DACH1: variants seen among roughly 807,000 people sequenced by gnomAD.
DACH1 encodes dachshund homolog 1.
A neutral mutation model predicts 54.2 loss-of-function variants in DACH1; 12 were observed. The ratio of observed to expected loss-of-function variants is 0.22; its 90% CI spans 0.14 to 0.36. The LOEUF is 0.36. Ranked by LOEUF, DACH1 falls within the 10% of genes least tolerant of loss-of-function variation. The probability of loss-of-function intolerance (pLI) is 1.00; values close to 1 mark genes in which losing one functional copy is unlikely to be tolerated. For synonymous variants in DACH1, 386 were observed against 366.2 expected, an observed-to-expected ratio of 1.05 and a Z score of -0.62; for missense variants, 805 against 929.8, an observed-to-expected ratio of 0.87 and a Z score of 1.75.
rs148791365 is a variant in DACH1, at chr13:71,672,735, G to T, written c.964+9060C>A. Among the ~76,000 whole-genome samples the T allele has an allele frequency of 6.6e-4, 101 of 152,190 alleles. No individual in the cohort carries two copies. The East Asian group carries it at 0.013, about 20-fold the overall frequency. Reference sequence around the variant, plus strand: ...TAAGATACCAGCTGCACCTCCTACTGGTTAAAAAATTATAGCGAGCAATAA... The same window carrying T: ...TAAGATACCAGCTGCACCTCCTACTTGTTAAAAAATTATAGCGAGCAATAA... On this transcript the variant is annotated intron_variant, in intron 2 of 10. Transcript: ENST00000613252.
intron 6 of DACH1, among the ~76,000 whole-genome samples, chr13:71,494,356 C>T (rs557882927): frequency 1.3e-5 from 2 of 151,630 alleles, no homozygotes; most frequent in Admixed American, 6.6e-5. Context: ...AATTTTGATA[C>T]TTTGAGTTTT....
chr13:71,693,832 T>C (rs1881662903), intron 1 of DACH1, among the ~76,000 whole-genome samples: 1 of 152,180 alleles, frequency 6.6e-6, no homozygotes, highest in Middle Eastern at 3.4e-3. Context: ...CATGGGTGTA[T>C]AGAAAAAATA....
intron 6 of DACH1, among the ~76,000 whole-genome samples, chr13:71,522,790 G>A (rs1001953495): frequency 6.6e-6 from 1 of 151,918 alleles, no homozygotes; most frequent in African/African-American, 2.4e-5. Flanking sequence ...AATGTTTCTG[G>A]GACTTCCTTC....
chr13:71,451,832 G>C (rs868741069), intron 10 of DACH1, among the ~76,000 whole-genome samples: 1 of 152,120 alleles, frequency 6.6e-6, no homozygotes, highest in Non-Finnish European at 1.5e-5. Flanking sequence ...TCAGATCAAA[G>C]TATTGTCAAT....
intron 1 of DACH1, among the ~76,000 whole-genome samples, chr13:71,808,031 T>C (rs1887578076): frequency 6.6e-6 from 1 of 152,172 alleles, no homozygotes; most frequent in Non-Finnish European, 1.5e-5. Context: ...CTGCTTAATA[T>C]CCTTACACAT....
chr13:71,620,415 T>G lies in DACH1; in HGVS notation c.1126+10141A>C, dbSNP rs770882928. On this transcript the variant is annotated intron_variant, in intron 3 of 10. Transcript: ENST00000613252. The stretch of plus-strand genomic sequence containing the variant: ...TGAGTAAAATGAAAACTATTGAAAT[T>G]GATTTTGAAAATCTATCTTTTTTTT... 1.1e-4 allele frequency among the ~76,000 whole-genome samples: 16 copies of G among 151,974 alleles called. No homozygotes were observed. The South Asian group carries it at 1.2e-3, about 12-fold the overall frequency.
intron 1 of DACH1, among the ~76,000 whole-genome samples, chr13:71,771,619 C>T (rs1458545862): frequency 6.6e-6 from 1 of 151,318 alleles, no homozygotes; most frequent in Non-Finnish European, 1.5e-5. Flanking sequence ...CTGTTATGAC[C>T]TGATTTGGTG....
intron 7 of DACH1, among the ~76,000 whole-genome samples, chr13:71,483,670 C>T (rs914645465): frequency 3.3e-5 from 5 of 151,142 alleles, no homozygotes; most frequent in African/African-American, 9.7e-5. Flanking sequence ...ATGTAAAGAA[C>T]TGAAGATAGA....
At chr13:71,528,877 A>ATATT (rs901938369) in intron 6 of DACH1, among the ~76,000 whole-genome samples, 20 of 152,122 alleles carry the variant, frequency 1.3e-4, no homozygotes, top group African/African-American at 4.6e-4. Flanking sequence ...GTAGCTATTA[A>ATATT]TATTAATATT....
intron 10 of DACH1, among the ~76,000 whole-genome samples, chr13:71,468,033 C>G (rs918866608): frequency 6.6e-6 from 1 of 152,070 alleles, no homozygotes; most frequent in African/African-American, 2.4e-5. Flanking sequence ...CCTTTTCAAT[C>G]TAAATAAAGA....
intron 1 of DACH1, among the ~76,000 whole-genome samples, chr13:71,854,049 C>T (rs953003096): frequency 1.3e-5 from 2 of 151,966 alleles, no homozygotes; most frequent in African/African-American, 4.8e-5. Flanking sequence ...GTCATGGGCC[C>T]TTATTTAACC....
At chr13:71,813,377 G>A (rs934817556) in intron 1 of DACH1, among the ~76,000 whole-genome samples, 8 of 152,250 alleles carry the variant, frequency 5.3e-5, no homozygotes, top group African/African-American at 1.9e-4. Flanking sequence ...TTCTTAGGAT[G>A]TGATCGAGCT....
intron 3 of DACH1, among the ~76,000 whole-genome samples, chr13:71,620,489 T>C (rs1876149524): frequency 6.6e-6 from 1 of 151,984 alleles, no homozygotes; most frequent in Non-Finnish European, 1.5e-5. Context: ...AATAGGGTCA[T>C]AGAATCTGAA....
chr13:71,619,611 T>C (rs1192301217), intron 3 of DACH1, among the ~76,000 whole-genome samples: 5 of 151,944 alleles, frequency 3.3e-5, no homozygotes, highest in Admixed American at 2.6e-4. Context: ...GATATATCTA[T>C]ATTTTCCCAA....
At chr13:71,579,670 A>G (rs1358606188) in intron 3 of DACH1, among the ~76,000 whole-genome samples, 1 of 152,126 alleles carries the variant, frequency 6.6e-6, no homozygotes, top group African/African-American at 2.4e-5. Flanking sequence ...CTATATATAA[A>G]TAACAATGCT....
intron 10 of DACH1, among the ~76,000 whole-genome samples, chr13:71,471,378 T>A (rs1485754699): frequency 6.6e-6 from 1 of 151,820 alleles, no homozygotes; most frequent in Admixed American, 6.6e-5. Context: ...GTCGACCAAA[T>A]AAAAAGTTGG....
Position 71,616,089 on chromosome 13 carries a change from T to C in DACH1, c.1126+14467A>G, listed in dbSNP as rs138442718. The stretch of plus-strand genomic sequence containing the variant: ...ACAAACAAACAAAAAAGTCATGTTT[T>C]ACACCAAAACCACATGGCACCAGAT... On this transcript the variant is annotated intron_variant, in intron 3 of 10. Transcript: ENST00000613252. Among the ~76,000 whole-genome samples the C allele has an allele frequency of 6.2e-3, 944 of 152,284 alleles. 14 individuals are homozygous for C. The highest frequency in any genetic ancestry group is 0.021 in the African/African-American group (856 of 41,566).
intron 6 of DACH1, among the ~76,000 whole-genome samples, chr13:71,503,079 C>T (rs974257462): frequency 4.4e-4 from 67 of 152,276 alleles, no homozygotes; most frequent in African/African-American, 1.6e-3. Context: ...CAGGCAGCAC[C>T]GTATGTAAAT....
At chr13:71,509,563 G>A (rs986871055) in intron 6 of DACH1, among the ~76,000 whole-genome samples, 1 of 151,950 alleles carries the variant, frequency 6.6e-6, no homozygotes, top group South Asian at 2.1e-4. Flanking sequence ...TCCTAAACAC[G>A]AAGTTTAAAA....
Sources: gnomAD v4.1 joint callset for allele counts (sites outside exome capture counted in the v4.1 genomes callset) on GRCh38, gnomAD v4.1.1 for gene constraint, MANE v1.5 for transcripts, NCBI Gene and HGNC (gene_info 2026-07-23, HGNC 2026-07-21) for gene names.